The following PCDHA12 variants were observed in gnomAD, a reference collection of about 807,000 sequenced individuals.
The protein encoded by PCDHA12 is protocadherin alpha-12.
A neutral mutation model predicts 60.0 loss-of-function variants in PCDHA12; 44 were observed. The observed-to-expected ratio is 0.73, with a 90% CI of 0.58 to 0.94. The LOEUF (loss-of-function observed/expected upper bound fraction) is 0.94, where lower values mean the gene tolerates loss of function less well. Ranked by LOEUF, PCDHA12 falls within the 40% of genes least tolerant of loss-of-function variation. PCDHA12 has a pLI of 0.00. For missense variants in PCDHA12, 1,276 were observed against 1,239.7 expected, an observed-to-expected ratio of 1.03 and a Z score of -0.44; for synonymous variants, 569 against 553.0, an observed-to-expected ratio of 1.03 and a Z score of -0.40.
rs568082033 is a variant in PCDHA12, at chr5:140,926,946, AG to A, written c.2367+49108del. On this transcript the variant is annotated intron_variant, in intron 1 of 3. Transcript: ENST00000398631. ...GTTTGTGGGTTTCCTGCGGCGCTGC[AG>A]CGGGACAGCTCGAGTACTCAGTGCC... 60 of 1,590,228 alleles carry A rather than the reference AG, an allele frequency of 3.8e-5. No individual in the cohort carries two copies. The African/African-American group carries it at 7.7e-4, about 20-fold the overall frequency.
intron 3 of PCDHA12, among the ~76,000 whole-genome samples, chr5:140,993,307 A>G (rs1388803376): frequency 6.6e-6 from 1 of 152,056 alleles, no homozygotes; most frequent in Non-Finnish European, 1.5e-5. Flanking sequence ...TGCCTCCAGG[A>G]TAATACCTTC....
At chr5:141,001,607 A>G (rs1554258244) in intron 3 of PCDHA12, among the ~76,000 whole-genome samples, 1 of 152,078 alleles carries the variant, frequency 6.6e-6, no homozygotes, top group African/African-American at 2.4e-5. Flanking sequence ...AGGTTTGCCC[A>G]ATTCATAAAG....
chr5:140,951,683 A>G (rs1389313679), intron 1 of PCDHA12, among the ~76,000 whole-genome samples: 1 of 152,160 alleles, frequency 6.6e-6, no homozygotes, highest in Non-Finnish European at 1.5e-5. Flanking sequence ...TGGGGATTAC[A>G]ATGTGACATG....
At chr5:140,896,450 C>T (rs1009231622) in intron 1 of PCDHA12, among the ~76,000 whole-genome samples, 1 of 152,092 alleles carries the variant, frequency 6.6e-6, no homozygotes, top group East Asian at 1.9e-4. Flanking sequence ...GCAACCTCCA[C>T]CTCCTGGGTT....
Position 140,876,282 on chromosome 5 carries a change from C to T in PCDHA12, c.810C>T (p.Asp270=), listed in dbSNP as rs1227830598. 1.9e-6 allele frequency: 3 copies of T among 1,613,872 alleles called. No homozygotes were observed. Among genetic ancestry groups the T allele is most frequent in the Admixed American group, 1.7e-5 (1 of 60,010 alleles). ...TCCAACTAAATGCTTCCGATCCAGA[C>T]GAAGGACTTAATGGAGAAATTTCCT... ...RVIQLNASDP[D]EGLNGEISYG... Residue 270 remains aspartate (D), a synonymous_variant, in exon 1 of 4, where the codon GAC becomes GAT. Coordinates refer to ENST00000398631, the MANE Select transcript of PCDHA12 (RefSeq NM_018903.4).
intron 1 of PCDHA12, among the ~76,000 whole-genome samples, chr5:140,888,156 A>G (rs556908449): frequency 6.6e-6 from 1 of 152,182 alleles, no homozygotes; most frequent in African/African-American, 2.4e-5. Flanking sequence ...CATGACTGGT[A>G]ATCTCTAATA....
At chr5:140,905,351 TTGACTA>T (rs2071764307) in intron 1 of PCDHA12, among the ~76,000 whole-genome samples, 1 of 152,208 alleles carries the variant, frequency 6.6e-6, no homozygotes, top group Non-Finnish European at 1.5e-5. Context: ...CTGTAAGTAT[TTGACTA>T]TATTTCTGGT....
At chr5:140,973,358 A>G (rs1450961086) in intron 1 of PCDHA12, among the ~76,000 whole-genome samples, 1 of 152,234 alleles carries the variant, frequency 6.6e-6, no homozygotes, top group Non-Finnish European at 1.5e-5. Flanking sequence ...GTGAATTTAT[A>G]AAAATTGCAC....
chr5:140,927,193 C>A, intron 1 of PCDHA12: 1 of 1,614,186 alleles, frequency 6.2e-7, no homozygotes, highest in Non-Finnish European at 8.5e-7. Context: ...CGACCTGGTG[C>A]TCGAGGACCC....
chr5:140,970,096 T>C (rs2096383552), intron 1 of PCDHA12, among the ~76,000 whole-genome samples: 1 of 152,066 alleles, frequency 6.6e-6, no homozygotes, highest in South Asian at 2.1e-4. Flanking sequence ...GGGGGGATGG[T>C]GAAGACCAAG....
Position 140,951,565 on chromosome 5 carries a change from T to G in PCDHA12, c.2368-27384T>G, listed in dbSNP as rs151148481. Among the ~76,000 whole-genome samples the G allele has an allele frequency of 1.4e-3, 220 of 152,132 alleles. 1 individual carries two copies. Among genetic ancestry groups the G allele is most frequent in the African/African-American group, 4.9e-3 (203 of 41,508 alleles). ...GGACGGGGGGAAGTGCTACGCACTT[T>G]TAAACAACCAGATTTCACGAGATCT... On this transcript the variant is annotated intron_variant, in intron 1 of 3. Transcript: ENST00000398631.
At chr5:140,937,446 G>A (rs1330877546) in intron 1 of PCDHA12, among the ~76,000 whole-genome samples, 1 of 152,088 alleles carries the variant, frequency 6.6e-6, no homozygotes, top group Non-Finnish European at 1.5e-5. Context: ...TATTTTAAAA[G>A]TTTAATTTTA....
At position 140,923,318 on chromosome 5, in the gene PCDHA12, A is replaced by G. The variant is rs189105018; in HGVS notation, c.2367+45479A>G. Among the ~76,000 whole-genome samples the G allele has an allele frequency of 8.1e-3, 1,226 of 152,276 alleles. 6 individuals are homozygous for G. The highest frequency in any genetic ancestry group is 0.019 in the African/African-American group (794 of 41,558). On this transcript the variant is annotated intron_variant, in intron 1 of 3. Transcript: ENST00000398631. ...CTGGGCGTGGGGGCGCTTGGCCTAG[A>G]AGTTCAAGGACAGTTTGGGCAACAT...
At chr5:140,968,245 C>T (rs2096233117) in intron 1 of PCDHA12, 2 of 1,614,038 alleles carry the variant, frequency 1.2e-6, no homozygotes, top group Non-Finnish European at 1.7e-6. Flanking sequence ...CTGTGCAAGC[C>T]ACAGACCCAG....
At position 140,960,349 on chromosome 5, in the gene PCDHA12, A is replaced by T. The variant is rs936485666; in HGVS notation, c.2368-18600A>T. Among the ~76,000 whole-genome samples, 8 of 152,238 alleles carry T rather than the reference A, an allele frequency of 5.3e-5. No homozygotes were observed. The East Asian group carries it at 1.3e-3, about 26-fold the overall frequency. ...GAGAAGTACATGAGGTGAGATATGTACTGAAATAATATGCCAACTCTTAAG... is the reference window on the plus strand; with the variant it reads ...GAGAAGTACATGAGGTGAGATATGTTCTGAAATAATATGCCAACTCTTAAG... On this transcript the variant is annotated intron_variant, in intron 1 of 3. Coordinates refer to ENST00000398631, the MANE Select transcript of PCDHA12 (RefSeq NM_018903.4).
intron 1 of PCDHA12, among the ~76,000 whole-genome samples, chr5:140,939,224 C>T (rs761211778): frequency 8.5e-5 from 13 of 152,130 alleles, no homozygotes; most frequent in Admixed American, 4.6e-4. Context: ...TGTCTCTTCA[C>T]CTTCTGGAAG....
intron 1 of PCDHA12, among the ~76,000 whole-genome samples, chr5:140,971,015 G>C (rs1425390222): frequency 6.6e-6 from 1 of 152,228 alleles, no homozygotes; most frequent in Non-Finnish European, 1.5e-5. Flanking sequence ...GAAGTCTTTA[G>C]ATCGTAGCAT....
chr5:140,946,631 T>TATATATATATATATATATACAC lies in PCDHA12; in HGVS notation c.2368-32317_2368-32316insTATATATATATATATATACACA, dbSNP rs57893927. Among the ~76,000 whole-genome samples the TATATATATATATATATATACAC allele has an allele frequency of 6.1e-4, 80 of 131,840 alleles. 1 individual carries two copies. The East Asian group carries it at 6.6e-3, about 11-fold the overall frequency. The allele number at this position is 131,840 out of a possible 152,430, so 86.5% of individuals were successfully genotyped here. A position where few individuals can be genotyped will look rare whatever the true frequency, so the allele number is the denominator to read the frequency against. ...TGTGAAATATATATATATATATATATACAATGGAATACTCATCAGCCATTA... is the reference window on the plus strand; with the variant it reads ...TGTGAAATATATATATATATATATATATATATATATATATATATACACACAATGGAATACTCATCAGCCATTA... On this transcript the variant is annotated intron_variant, in intron 1 of 3. Transcript: ENST00000398631.
intron 1 of PCDHA12, chr5:140,930,304 A>G (rs1554207720): frequency 6.6e-6 from 1 of 152,236 alleles, no homozygotes. Flanking sequence ...ATAAGTAAAT[A>G]TCATATTTGA....
Sources: allele counts gnomAD v4.1 joint callset (sites outside exome capture counted in the v4.1 genomes callset), GRCh38; gene constraint gnomAD v4.1.1; transcripts MANE v1.5; gene names NCBI Gene and HGNC (gene_info 2026-07-23, HGNC 2026-07-21).